RIC8B: variants seen among roughly 807,000 people sequenced by gnomAD.
RIC8B encodes the protein RIC8 guanine nucleotide exchange factor B.
A neutral mutation model predicts 57.5 loss-of-function variants in RIC8B; 16 were observed. The ratio of observed to expected loss-of-function variants is 0.28; its 90% confidence interval spans 0.19 to 0.42. The LOEUF (loss-of-function observed/expected upper bound fraction) is 0.42. Ranked by LOEUF, RIC8B falls within the 10% of genes least tolerant of loss-of-function variation. RIC8B has a pLI of 1.00. For synonymous variants in RIC8B, 216 were observed against 250.8 expected (o/e 0.86, Z 1.31); for missense variants, 481 against 677.0 (o/e 0.71, Z 3.21).
chr12:106,839,861 A>T (rs2046789257), intron 4 of RIC8B, among the ~76,000 whole-genome samples: 4 of 152,054 alleles, frequency 2.6e-5, no homozygotes, highest in African/African-American at 7.3e-5. Flanking sequence ...ACTAAAAATT[A>T]AAAAATTAGC....
In RIC8B at chr12:106,834,983, CAAAAAAAAAA is replaced by C. The variant is rs71072695; in HGVS notation, c.837-7589_837-7580del. Among the ~76,000 whole-genome samples, 5 of 31,280 alleles carry C rather than the reference CAAAAAAAAAA, an allele frequency of 1.6e-4. No individual in the cohort carries two copies. The East Asian group carries it at 5.2e-3, about 32-fold the overall frequency. The allele number at this position is 31,280 out of a possible 152,430, so 20.5% of individuals were successfully genotyped here. ...TGGGCGACAGAGCGAGACTCTGTCTCAAAAAAAAAAAAAAAAAAAAAAAAAAGTAGAACTC... is the reference window on the plus strand; with the variant it reads ...TGGGCGACAGAGCGAGACTCTGTCTCAAAAAAAAAAAAAAAAGTAGAACTC... On this transcript the variant is annotated intron_variant, in intron 4 of 9. Transcript: ENST00000392837.
rs531004651 is a variant in RIC8B at position 106,789,200 on chromosome 12, C to T, written c.132+5156C>T. On this transcript the variant is annotated intron_variant, in intron 2 of 9. Transcript: ENST00000392837. Reference sequence around the variant, plus strand: ...CTCCACTTGCAACAAGTTTCCTCATCTCCATCTGAGACCACCTCATCCTGG... The same window carrying T: ...CTCCACTTGCAACAAGTTTCCTCATTTCCATCTGAGACCACCTCATCCTGG... Among the ~76,000 whole-genome samples, 107 of 152,288 alleles carry T rather than the reference C, an allele frequency of 7.0e-4. No homozygotes were observed. In the South Asian group the frequency reaches 7.9e-3, roughly 11 times the overall value.
At chr12:106,839,235 A>G (rs1467795338) in intron 4 of RIC8B, among the ~76,000 whole-genome samples, 4 of 152,214 alleles carry the variant, frequency 2.6e-5, no homozygotes, top group Admixed American at 2.0e-4. Context: ...TGGTCCTTAC[A>G]GCACTGTTCA....
chr12:106,812,128 G>A (rs899407920), intron 2 of RIC8B, among the ~76,000 whole-genome samples: 1 of 152,056 alleles, frequency 6.6e-6, no homozygotes, highest in Non-Finnish European at 1.5e-5. Context: ...CAAGAGATAT[G>A]GCAAAAAGCT....
intron 3 of RIC8B, among the ~76,000 whole-genome samples, chr12:106,818,490 C>G (rs2045688893): frequency 6.6e-6 from 1 of 151,784 alleles, no homozygotes; most frequent in African/African-American, 2.4e-5. Context: ...AGAACAGGGT[C>G]TTGTCTGTTG....
chr12:106,801,445 T>C (rs1239305954), intron 2 of RIC8B, among the ~76,000 whole-genome samples: 2 of 152,200 alleles, frequency 1.3e-5, no homozygotes, highest in African/African-American at 2.4e-5. Flanking sequence ...CACCATGATA[T>C]ATAACATAAC....
At chr12:106,789,652 T>A (rs932468560) in intron 2 of RIC8B, among the ~76,000 whole-genome samples, 2 of 152,090 alleles carry the variant, frequency 1.3e-5, no homozygotes, top group Non-Finnish European at 2.9e-5. Flanking sequence ...ACCGCCCCCA[T>A]GATTCAAATT....
chr12:106,799,548 G>C (rs886328835), intron 2 of RIC8B, among the ~76,000 whole-genome samples: 3 of 152,166 alleles, frequency 2.0e-5, no homozygotes, highest in Non-Finnish European at 4.4e-5. Context: ...TTTCAATTAA[G>C]TCACGTAAAA....
chr12:106,844,926 C>T (rs1010004225), intron 6 of RIC8B, among the ~76,000 whole-genome samples: 3 of 152,108 alleles, frequency 2.0e-5, no homozygotes, highest in Admixed American at 6.6e-5. Context: ...CTGAAACTAG[C>T]CTCCTCTAAA....
intron 3 of RIC8B, among the ~76,000 whole-genome samples, chr12:106,817,504 A>G (rs1377705277): frequency 2.0e-5 from 3 of 152,112 alleles, no homozygotes; most frequent in Non-Finnish European, 4.4e-5. Flanking sequence ...CTTTCTAGTG[A>G]GGGACCCACA....
At chr12:106,820,552 T>A (rs2045793381) in intron 3 of RIC8B, among the ~76,000 whole-genome samples, 2 of 152,042 alleles carry the variant, frequency 1.3e-5, no homozygotes, top group South Asian at 4.2e-4. Context: ...CTGTAAGGGG[T>A]CCCTAGAATG....
At chr12:106,833,139 A>T (rs1199173939) in intron 4 of RIC8B, among the ~76,000 whole-genome samples, 1 of 152,208 alleles carries the variant, frequency 6.6e-6, no homozygotes, top group Non-Finnish European at 1.5e-5. Flanking sequence ...ATTCCTAATC[A>T]ATAAAAATTT....
chr12:106,836,389 G>C (rs1223439710), intron 4 of RIC8B, among the ~76,000 whole-genome samples: 1 of 152,024 alleles, frequency 6.6e-6, no homozygotes, highest in South Asian at 2.1e-4. Context: ...GACTCACCTA[G>C]CTAATTTCCT....
chr12:106,789,198 A>T (rs1433148492), intron 2 of RIC8B, among the ~76,000 whole-genome samples: 1 of 152,138 alleles, frequency 6.6e-6, no homozygotes, highest in Non-Finnish European at 1.5e-5. Flanking sequence ...AAGTTTCCTC[A>T]TCTCCATCTG....
At chr12:106,783,305 CCT>C (rs1356029434) in intron 1 of RIC8B, among the ~76,000 whole-genome samples, 2 of 151,966 alleles carry the variant, frequency 1.3e-5, no homozygotes, top group East Asian at 3.9e-4. Context: ...CTAGGTACAC[CCT>C]GTTTTCAGAT....
chr12:106,802,889 G>C (rs937678980), intron 2 of RIC8B, among the ~76,000 whole-genome samples: 2 of 151,846 alleles, frequency 1.3e-5, no homozygotes, highest in African/African-American at 4.8e-5. Flanking sequence ...GGGTTCTATG[G>C]TCAAAGTAAG....
At position 106,803,214 on chromosome 12, in the gene RIC8B, T is replaced by TA. The variant is rs758690591; in HGVS notation, c.133-11482_133-11481insA. Among the ~76,000 whole-genome samples the TA allele has an allele frequency of 2.5e-3, 210 of 84,262 alleles. 13 individuals carry two copies. Among genetic ancestry groups the TA allele is most frequent in the Middle Eastern group, 8.2e-3 (1 of 122 alleles). 55.3% of individuals were successfully genotyped at this position (84,262 alleles called of 152,430 possible). On this transcript the variant is annotated intron_variant, in intron 2 of 9. Transcript: ENST00000392837. ...GTGACAAGAGTGATGATACCCTGTCTCAAAAAAAAAAAAAAAAAAAAAAAG... is the reference window on the plus strand; with the variant it reads ...GTGACAAGAGTGATGATACCCTGTCTACAAAAAAAAAAAAAAAAAAAAAAAG...
chr12:106,790,872 T>G (rs2044235255), intron 2 of RIC8B, among the ~76,000 whole-genome samples: 1 of 152,236 alleles, frequency 6.6e-6, no homozygotes, highest in African/African-American at 2.4e-5. Flanking sequence ...ATCAAGCATA[T>G]TTTATTACCT....
intron 4 of RIC8B, among the ~76,000 whole-genome samples, chr12:106,826,586 T>G (rs372452875): frequency 2.6e-5 from 4 of 151,852 alleles, no homozygotes; most frequent in African/African-American, 9.7e-5. Flanking sequence ...AAACCCCGTC[T>G]CCATTAAAAA....
Sources: gnomAD v4.1 joint callset for allele counts (sites outside exome capture counted in the v4.1 genomes callset) on GRCh38, gnomAD v4.1.1 for gene constraint, MANE v1.5 for transcripts, NCBI Gene and HGNC (gene_info 2026-07-23, HGNC 2026-07-21) for gene names.